IRF5: variants seen among roughly 807,000 people sequenced by gnomAD.
IRF5 encodes interferon regulatory factor 5.
A neutral mutation model predicts 55.1 loss-of-function variants in IRF5; 24 were observed. The ratio of observed to expected loss-of-function variants is 0.44; its 90% confidence interval spans 0.32 to 0.61. The LOEUF (loss-of-function observed/expected upper bound fraction) is 0.61. IRF5 is among the 20% of genes least tolerant of loss of function. The pLI is 0.07. For missense variants in IRF5, 499 were observed against 658.5 expected, an observed-to-expected ratio of 0.76 and a Z score of 2.65; for synonymous variants, 258 against 260.2, an observed-to-expected ratio of 0.99 and a Z score of 0.08.
At chr7:128,943,013 C>A (rs1424844295) in intron 2 of IRF5, 1 of 152,108 alleles carries the variant, frequency 6.6e-6, no homozygotes, top group Non-Finnish European at 1.4e-5. Flanking sequence ...ACACTGTTGA[C>A]CAGATTCCAA....
Position 128,947,892 on chromosome 7 carries a change from C to A in IRF5, c.951C>A (p.Ser317Arg). ...PISLEQVRFP[S>R]PEDIPSDKQR... ...GCCTGGAGCAAGTGCGCTTCCCCAG[C>A]CCTGAGGACATCCCCAGTGACAAGC... is the stretch of plus-strand genomic sequence containing the variant. The change falls in exon 7 of 9, where the codon AGC becomes AGA. Residue 317 changes from serine to arginine, a missense_variant. Coordinates refer to ENST00000357234, the MANE Select transcript of IRF5 (RefSeq NM_001098629.3). The surrounding 1 kb of genome is among the most constrained non-coding windows in gnomAD (Gnocchi z 6.5). The A allele has an allele frequency of 6.2e-7, 1 of 1,614,122 alleles. No homozygotes were observed. Among genetic ancestry groups the A allele is most frequent in the Non-Finnish European group, 8.5e-7 (1 of 1,180,008 alleles).
intron 2 of IRF5, among the ~76,000 whole-genome samples, chr7:128,943,707 A>ATTTTTTTTTTTTTTTTTTT (rs61451031): frequency 1.4e-5 from 1 of 71,948 alleles, no homozygotes; most frequent in African/African-American, 6.9e-5. Flanking sequence ...TGCCCGGCTA[A>ATTTTTTTTTTTTTTTTTTT]TTTTTTTTTT....
Position 128,947,613 on chromosome 7 carries a change from G to A in IRF5, c.787+78G>A. ...ATTGGCAAGGAGGGTGGAGGGTGCT[G>A]GACTCCCTTGGGTGGGAAAAGTGGG... On this transcript the variant is annotated intron_variant, in intron 6 of 8. Coordinates refer to ENST00000357234, the MANE Select transcript of IRF5 (RefSeq NM_001098629.3). The surrounding 1 kb of genome is among the most constrained non-coding windows in gnomAD (Gnocchi z 6.5). 6.6e-7 allele frequency: 1 copy of A among 1,515,588 alleles called. No homozygotes were observed. Among genetic ancestry groups the A allele is most frequent in the African/African-American group, 1.4e-5 (1 of 72,654 alleles). The allele number at this position is 1,515,588 out of a possible 1,614,324, so 93.9% of individuals were successfully genotyped here. A position where few individuals can be genotyped will look rare whatever the true frequency, so the allele number is the denominator to read the frequency against.
At position 128,947,160 on chromosome 7, in the gene IRF5, GGGA is replaced by G. The variant is rs1365149297; in HGVS notation, c.482-64_482-62del. ...TGGGAGGCTAGGGTGGCCCAGGGCT[GGGA>G]GGAGGTGTGCCTGGGAGGCAGTTCG... On this transcript the variant is annotated intron_variant, in intron 5 of 8. Coordinates refer to ENST00000357234, the MANE Select transcript of IRF5 (RefSeq NM_001098629.3). The surrounding 1 kb of genome is among the most constrained non-coding windows in gnomAD (Gnocchi z 6.5). 6.2e-7 allele frequency: 1 copy of G among 1,606,648 alleles called. No individual in the cohort carries two copies. The highest frequency in any genetic ancestry group is 1.3e-5 in the African/African-American group (1 of 74,778).
chr7:128,938,774 G>A (rs1795867410), intron 1 of IRF5, among the ~76,000 whole-genome samples: 1 of 152,166 alleles, frequency 6.6e-6, no homozygotes, highest in African/African-American at 2.4e-5. Flanking sequence ...GAGGCTAAAC[G>A]TGGAGGAAAA....
intron 1 of IRF5, chr7:128,940,110 C>T (rs982454721): frequency 4.6e-5 from 7 of 152,356 alleles, no homozygotes; most frequent in African/African-American, 1.4e-4. Context: ...GGGCTTGTCA[C>T]GGGAGCTCCT....
At chr7:128,942,631 T>C (rs188450254) in intron 2 of IRF5, among the ~76,000 whole-genome samples, 1 of 151,922 alleles carries the variant, frequency 6.6e-6, no homozygotes, top group East Asian at 1.9e-4. Context: ...GGCACATCTT[T>C]TCTAACCTGC....
Position 128,948,087 on chromosome 7 carries a change from G to A in IRF5, c.1146G>A (p.Lys382=). 1.9e-6 allele frequency: 3 copies of A among 1,614,140 alleles called. No homozygotes were observed. Among genetic ancestry groups the A allele is most frequent in the Non-Finnish European group, 2.5e-6 (3 of 1,179,996 alleles). The change falls in exon 7 of 9, where the codon AAG becomes AAA. Residue 382 remains lysine (K), a synonymous_variant. Transcript: ENST00000357234. The surrounding 1 kb of genome is among the most constrained non-coding windows in gnomAD (Gnocchi z 4.6). ...CCAACCCCATCCAGCGGGAGGTCAA[G>A]ACCAAGCTTTTCAGCCTGGAGCATT... ...SCPNPIQREV[K]TKLFSLEHFL...
rs200483939 is a variant in IRF5, at chr7:128,947,686, C to T, written c.788-43C>T. Reference sequence around the variant, plus strand: ...GCCACTGGGCTGCAGAATGGGGAGGCGTGGGGCTCAAGGACGGGATGGGCC... The same window carrying T: ...GCCACTGGGCTGCAGAATGGGGAGGTGTGGGGCTCAAGGACGGGATGGGCC... On this transcript the variant is annotated intron_variant, in intron 6 of 8. Coordinates refer to ENST00000357234, the MANE Select transcript of IRF5 (RefSeq NM_001098629.3). The surrounding 1 kb of genome is among the most constrained non-coding windows in gnomAD (Gnocchi z 6.5). 5.7e-5 allele frequency: 88 copies of T among 1,539,668 alleles called. 1 individual carries two copies. Among genetic ancestry groups the T allele is most frequent in the African/African-American group, 5.4e-4 (40 of 73,680 alleles).
At position 128,949,607 on chromosome 7, in the gene IRF5, G is replaced by C. The variant is rs1350843592; in HGVS notation, c.*789G>C. ...CCAGGAGGAAGCTGGCTGAAGCAAG[G>C]GTGTGGAATTTTAAATGTGTGCACA... On this transcript the variant is annotated 3_prime_UTR_variant, in exon 9 of 9. Coordinates refer to ENST00000357234, the MANE Select transcript of IRF5 (RefSeq NM_001098629.3). The C allele has an allele frequency of 6.6e-6, 1 of 152,200 alleles. No homozygotes were observed. The highest frequency in any genetic ancestry group is 6.5e-5 in the Admixed American group (1 of 15,278). The allele number at this position is 152,200 out of a possible 1,614,324, so 9.4% of individuals were successfully genotyped here.
chr7:128,946,038 T>C lies in IRF5; in HGVS notation c.385+4T>C, dbSNP rs1445392119. On this transcript the variant is annotated splice_donor_region_variant and intron_variant, in intron 3 of 8. Transcript: ENST00000357234. The surrounding 1 kb of genome is among the most constrained non-coding windows in gnomAD (Gnocchi z 4.2). ...TCCAATGGCCCTGCTCCCACAGGTA[T>C]CAGGCCTAGCCCTCTGTGGGCCACC... 1.9e-6 allele frequency: 3 copies of C among 1,596,450 alleles called. No homozygotes were observed. In the African/African-American group the frequency reaches 4.1e-5, roughly 22 times the overall value.
At chr7:128,941,956 A>C in intron 1 of IRF5, 115 bp from the exon 2 acceptor site, 1 of 712,564 alleles carries the variant, frequency 1.4e-6, no homozygotes, top group Non-Finnish European at 2.3e-6. Context: ...ATTGGCCTTA[A>C]ATACCTAGAT....
Position 128,947,409 on chromosome 7 carries a change from G to A in IRF5, c.661G>A (p.Gly221Ser), listed in dbSNP as rs1444053978. 13 of 1,610,950 alleles carry A rather than the reference G, an allele frequency of 8.1e-6. No homozygotes were observed. Among genetic ancestry groups the A allele is most frequent in the Non-Finnish European group, 1.0e-5 (12 of 1,179,032 alleles). ...PDPSPLAPPP[G>S]NPAGFRELLS... ...CCCCAGCCCCCTGGCTCCTCCCCCT[G>A]GCAACCCTGCTGGCTTCAGGGAGCT... Residue 221 changes from glycine (G) to serine (S), a missense_variant, in exon 6 of 9, where the codon GGC becomes AGC. Physicochemically the swap from Gly to Ser is moderately conservative, Grantham distance 56. This residue lies in a region of IRF5 where 305 missense variants were observed against 340.2 expected (regional missense o/e 0.90). Transcript: ENST00000357234. The surrounding 1 kb of genome is among the most constrained non-coding windows in gnomAD (Gnocchi z 6.5).
In IRF5 at chr7:128,948,177, A is replaced by G. The variant is rs1386844134; in HGVS notation, c.1181-33A>G. 4 of 1,611,944 alleles carry G rather than the reference A, an allele frequency of 2.5e-6. No individual in the cohort carries two copies. The highest frequency in any genetic ancestry group is 2.2e-5 in the East Asian group (1 of 44,836). On this transcript the variant is annotated intron_variant, in intron 7 of 8. Transcript: ENST00000357234. This position sits in a 1 kb window ranked among gnomAD's most constrained non-coding sequence, Gnocchi z 4.6. ...TGCCTCTTGCCCAGGGCATGGTTCCAGCCTCTGACTAGGGACCTTGATTTT... is the reference window on the plus strand; with the variant it reads ...TGCCTCTTGCCCAGGGCATGGTTCCGGCCTCTGACTAGGGACCTTGATTTT...
chr7:128,942,533 A>G (rs1164644154), intron 2 of IRF5, among the ~76,000 whole-genome samples: 1 of 151,196 alleles, frequency 6.6e-6, no homozygotes, highest in African/African-American at 2.4e-5. Context: ...GCTCACTGCA[A>G]CCTCTGCCTC....
intron 2 of IRF5, 100 bp from the exon 3 acceptor site, chr7:128,945,745 A>C: frequency 8.4e-7 from 1 of 1,192,006 alleles, no homozygotes; most frequent in Non-Finnish European, 1.2e-6. Flanking sequence ...CTGTAGCCGA[A>C]GTTCTCCCCA....
chr7:128,939,085 G>A (rs2128956518), intron 1 of IRF5, among the ~76,000 whole-genome samples: 1 of 151,754 alleles, frequency 6.6e-6, no homozygotes, highest in East Asian at 2.0e-4. Flanking sequence ...GACTGGGCTG[G>A]GCCTGGGCTC....
Position 128,944,742 on chromosome 7 carries a change from C to T in IRF5, c.196-1103C>T, listed in dbSNP as rs147218264. ...GCATATTTGTCTAGACTTAATACTT[C>T]TTGACGATTGCTACATGTCAGCTTA... On this transcript the variant is annotated intron_variant, in intron 2 of 8. Coordinates refer to ENST00000357234, the MANE Select transcript of IRF5 (RefSeq NM_001098629.3). Among the ~76,000 whole-genome samples the T allele has an allele frequency of 2.9e-3, 446 of 152,320 alleles. 2 individuals are homozygous for T. Among genetic ancestry groups the T allele is most frequent in the African/African-American group, 0.01 (428 of 41,570 alleles).
rs200676980 is a variant in IRF5, at chr7:128,948,533, G to A, written c.1300-40G>A. Reference sequence around the variant, plus strand: ...ATGCACAGCTGGATCTGGCAGCCCTGCCACAGGTCTCCCTGTCTCATCTCC... The same window carrying A: ...ATGCACAGCTGGATCTGGCAGCCCTACCACAGGTCTCCCTGTCTCATCTCC... On this transcript the variant is annotated intron_variant, in intron 8 of 8. Coordinates refer to ENST00000357234, the MANE Select transcript of IRF5 (RefSeq NM_001098629.3). The surrounding 1 kb of genome is among the most constrained non-coding windows in gnomAD (Gnocchi z 4.6). The A allele has an allele frequency of 6.5e-5, 105 of 1,609,054 alleles. No individual in the cohort carries two copies. Among genetic ancestry groups the A allele is most frequent in the Non-Finnish European group, 8.5e-5 (100 of 1,178,850 alleles).
Sources: allele counts gnomAD v4.1 joint callset (sites outside exome capture counted in the v4.1 genomes callset), GRCh38; gene constraint gnomAD v4.1.1; regional missense constraint gnomAD v4.1.1; non-coding constraint Gnocchi (gnomAD v3.1); transcripts MANE v1.5; gene names NCBI Gene and HGNC (gene_info 2026-07-23, HGNC 2026-07-21).